Variants in TENM3 observed in about 807,000 individuals in gnomAD.
TENM3 encodes the protein teneurin transmembrane protein 3, also known as teneurin-3.
A neutral mutation model predicts 255.1 loss-of-function variants in TENM3; 63 were observed. That is an observed-to-expected ratio of 0.25 (90% CI 0.20 to 0.30). TENM3 has a LOEUF of 0.30. Among genes scored for constraint, TENM3 ranks in the 10% least tolerant of loss-of-function variants. The pLI is 1.00. For missense variants in TENM3, 2,929 were observed against 3,461.1 expected, an observed-to-expected ratio of 0.85 and a Z score of 3.86; for synonymous variants, 1,306 against 1,322.3, an observed-to-expected ratio of 0.99 and a Z score of 0.27.
At chr4:182,316,738 C>T (rs2675537) in intron 1 of TENM3, among the ~76,000 whole-genome samples, 1 of 152,098 alleles carries the variant, frequency 6.6e-6, no homozygotes, top group African/African-American at 2.4e-5. Context: ...TGGAACACCC[C>T]AGAGGGACCC....
In TENM3 at chr4:182,751,840, G is replaced by A. The variant is rs1489559489; in HGVS notation, c.3670G>A (p.Val1224Ile). The change falls in exon 20 of 28, where the codon GTC becomes ATC. Residue 1224 changes from valine (V) to isoleucine (I), a missense_variant. Val to Ile is a conservative substitution (Grantham distance 29). Coordinates refer to ENST00000511685, the MANE Select transcript of TENM3 (RefSeq NM_001080477.4). The part of the protein sequence containing the change: ...AHRYYLATDP[V>I]TGDLYVSDTN... ...TAGATACTACCTTGCAACGGATCCA[G>A]TCACGGGAGATCTGTACGTTTCTGA... The A allele has an allele frequency of 6.2e-7, 1 of 1,613,798 alleles. No homozygotes were observed. Among genetic ancestry groups the A allele is most frequent in the African/African-American group, 1.3e-5 (1 of 74,860 alleles).
chr4:182,596,969 C>T (rs1747305310), intron 3 of TENM3, among the ~76,000 whole-genome samples: 2 of 152,148 alleles, frequency 1.3e-5, no homozygotes, highest in South Asian at 4.1e-4. Context: ...TCTGGTTGTT[C>T]TTGTGCGGAT....
chr4:182,693,348 T>G (rs1757152469), intron 12 of TENM3, among the ~76,000 whole-genome samples: 1 of 152,068 alleles, frequency 6.6e-6, no homozygotes, highest in Non-Finnish European at 1.5e-5. Flanking sequence ...TCTTTTTTTT[T>G]TCTTTCGAGA....
chr4:181,812,493 T>C, the TENM3 span, among the ~76,000 whole-genome samples: 49 of 152,354 alleles, frequency 3.2e-4, no homozygotes, highest in African/African-American at 9.6e-4. Flanking sequence ...AAGGGTCTTT[T>C]TAAAAGACAA....
At chr4:181,868,031 C>T in the TENM3 span, among the ~76,000 whole-genome samples, 1 of 152,076 alleles carries the variant, frequency 6.6e-6, no homozygotes, top group African/African-American at 2.4e-5. Context: ...AGTTTTGACA[C>T]AATGTTGAGG....
the TENM3 span, among the ~76,000 whole-genome samples, chr4:181,653,139 C>T: frequency 5.4e-3 from 825 of 152,282 alleles, 3 homozygotes; most frequent in African/African-American, 0.019. Context: ...ATGCAGCGAT[C>T]GGCAGGGCTG....
chr4:181,696,306 G>A, the TENM3 span, among the ~76,000 whole-genome samples: 1 of 152,040 alleles, frequency 6.6e-6, no homozygotes. Context: ...TTCCATTGCT[G>A]CCCTACCGCC....
At chr4:181,603,353 G>A in the TENM3 span, among the ~76,000 whole-genome samples, 1 of 152,206 alleles carries the variant, frequency 6.6e-6, no homozygotes, top group East Asian at 1.9e-4. Flanking sequence ...TGGGTATAAA[G>A]GAGAACTATC....
At chr4:182,654,192 G>T (rs1753562627) in intron 6 of TENM3, among the ~76,000 whole-genome samples, 1 of 152,082 alleles carries the variant, frequency 6.6e-6, no homozygotes, top group East Asian at 1.9e-4. Context: ...TTATAATTCA[G>T]TGTATCATCT....
the TENM3 span, among the ~76,000 whole-genome samples, chr4:182,116,768 C>T: frequency 1.2e-4 from 19 of 152,294 alleles, no homozygotes; most frequent in African/African-American, 3.4e-4. Context: ...AATAATATTC[C>T]ATGATCTGGA....
chr4:182,062,378 A>G, the TENM3 span, among the ~76,000 whole-genome samples: 4 of 152,194 alleles, frequency 2.6e-5, no homozygotes, highest in African/African-American at 9.7e-5. Flanking sequence ...TGAAATGTCC[A>G]TATCTTCTCA....
At chr4:182,522,686 C>A (rs574232659) in intron 3 of TENM3, among the ~76,000 whole-genome samples, 1 of 152,348 alleles carries the variant, frequency 6.6e-6, no homozygotes, top group Non-Finnish European at 1.5e-5. Flanking sequence ...GTGTATACCA[C>A]ATTGTCTTTA....
chr4:181,498,827 C>T, the TENM3 span, among the ~76,000 whole-genome samples: 1 of 152,084 alleles, frequency 6.6e-6, no homozygotes, highest in African/African-American at 2.4e-5. Flanking sequence ...TATCATATAG[C>T]ATTAACTTTT....
intron 3 of TENM3, among the ~76,000 whole-genome samples, chr4:182,353,981 A>T (rs1232433865): frequency 1.3e-5 from 2 of 151,920 alleles, no homozygotes; most frequent in Admixed American, 6.6e-5. Context: ...AAAAAAAAAA[A>T]GTTACGATTT....
At chr4:182,211,734 T>C (rs1362031116) in intron 1 of TENM3, among the ~76,000 whole-genome samples, 1 of 152,250 alleles carries the variant, frequency 6.6e-6, no homozygotes, top group Non-Finnish European at 1.5e-5. Context: ...ATATATACTA[T>C]GGAACTGCTT....
chr4:181,518,513 C>T, the TENM3 span, among the ~76,000 whole-genome samples: 7 of 152,006 alleles, frequency 4.6e-5, no homozygotes, highest in Admixed American at 1.3e-4. Context: ...CTGCAACCTC[C>T]GCCTCCTGGG....
rs190387262 is a variant in TENM3, at chr4:182,708,933, A to G, written c.2222-5154A>G. 1.2e-4 allele frequency among the ~76,000 whole-genome samples: 18 copies of G among 152,140 alleles called. 2 individuals carry two copies. Among genetic ancestry groups the G allele is most frequent in the African/African-American group, 4.1e-4 (17 of 41,510 alleles). ...AAATAATTGAAACTCCAGGGAAAGT[A>G]TTTTATGACTGCAACATTTTACTAG... On this transcript the variant is annotated intron_variant, in intron 12 of 27. Transcript: ENST00000511685.
chr4:182,347,229 G>T (rs1764886288), intron 3 of TENM3, among the ~76,000 whole-genome samples: 1 of 152,074 alleles, frequency 6.6e-6, no homozygotes. Flanking sequence ...AAAAAAAATA[G>T]CTTTGACTTC....
chr4:182,761,300 T>C (rs1763170403), intron 22 of TENM3, among the ~76,000 whole-genome samples: 1 of 151,934 alleles, frequency 6.6e-6, no homozygotes, highest in South Asian at 2.1e-4. Context: ...TCACCTATAA[T>C]CCCAGCTACT....
Sources: gnomAD v4.1 joint callset for allele counts (sites outside exome capture counted in the v4.1 genomes callset) on GRCh38, gnomAD v4.1.1 for gene constraint, MANE v1.5 for transcripts, NCBI Gene and HGNC (gene_info 2026-07-23, HGNC 2026-07-21) for gene names.